Variants in ZRANB3 observed in about 807,000 individuals in gnomAD.
ZRANB3 encodes zinc finger RANBP2-type containing 3.
Under a neutral mutation model 133.8 loss-of-function variants are expected in ZRANB3, and 125 were observed. The ratio of observed to expected loss-of-function variants is 0.93; its 90% CI spans 0.81 to 1.08. The LOEUF (loss-of-function observed/expected upper bound fraction) is 1.08, where lower values mean the gene tolerates loss of function less well. Ranked by LOEUF, ZRANB3 falls within the 50% of genes least tolerant of loss-of-function variation. The pLI, the probability that ZRANB3 is intolerant of heterozygous loss-of-function variation, is 0.00. For synonymous variants in ZRANB3, 387 were observed against 432.7 expected, an observed-to-expected ratio of 0.89 and a Z score of 1.31; for missense variants, 1,229 against 1,275.5, an observed-to-expected ratio of 0.96 and a Z score of 0.56.
At chr2:135,368,770 T>C (rs374425880) in intron 3 of ZRANB3, among the ~76,000 whole-genome samples, 1 of 151,938 alleles carries the variant, frequency 6.6e-6, no homozygotes, top group Non-Finnish European at 1.5e-5. Context: ...ATCTACTATG[T>C]ACCCACAAAA....
intron 8 of ZRANB3, among the ~76,000 whole-genome samples, chr2:135,294,221 G>A (rs1205771216): frequency 6.6e-6 from 1 of 152,126 alleles, no homozygotes; most frequent in African/African-American, 2.4e-5. Flanking sequence ...AATCCATCTG[G>A]TCCTGGACTT....
chr2:135,296,092 TTC>T lies in ZRANB3; in HGVS notation c.966+17395_966+17396del, dbSNP rs1471068353. Among the ~76,000 whole-genome samples the T allele has an allele frequency of 2.0e-5, 3 of 152,206 alleles. No homozygotes were observed. In the East Asian group the frequency reaches 5.8e-4, roughly 29 times the overall value. On this transcript the variant is annotated intron_variant, in intron 8 of 20. Coordinates refer to ENST00000264159, the MANE Select transcript of ZRANB3 (RefSeq NM_032143.4). ...GTTCTCGAGGAGCATCTTTGTGGCG[TTC>T]TCTGTATTTCCTGAATTTGAATGTT...
intron 2 of ZRANB3, among the ~76,000 whole-genome samples, chr2:135,470,012 CA>C (rs776949989): frequency 5.4e-3 from 470 of 86,388 alleles, no homozygotes; most frequent in Middle Eastern, 0.017. Flanking sequence ...ACTCTTACCT[CA>C]AAAAAAAAAA....
intron 6 of ZRANB3, among the ~76,000 whole-genome samples, chr2:135,328,766 G>A (rs944667185): frequency 7.2e-5 from 11 of 152,218 alleles, no homozygotes; most frequent in African/African-American, 2.7e-4. Context: ...TAACTGGTGT[G>A]AGATGGTATC....
In ZRANB3 at chr2:135,312,254, G is replaced by A. The variant is rs113523513; in HGVS notation, c.966+1235C>T. Among the ~76,000 whole-genome samples, 543 of 147,470 alleles carry A rather than the reference G, an allele frequency of 3.7e-3. 3 individuals are homozygous for A. The highest frequency in any genetic ancestry group is 0.011 in the African/African-American group (428 of 40,060). ...TGCTCTGTTGCCAAAGCTGGAGTGC[G>A]GTGGCACAATCATAGCTCACTGTAG... On this transcript the variant is annotated intron_variant, in intron 8 of 20. Coordinates refer to ENST00000264159, the MANE Select transcript of ZRANB3 (RefSeq NM_032143.4).
chr2:135,461,772 T>C (rs1172648111), intron 2 of ZRANB3, among the ~76,000 whole-genome samples: 1 of 152,168 alleles, frequency 6.6e-6, no homozygotes, highest in Non-Finnish European at 1.5e-5. Flanking sequence ...ATGATTCAAA[T>C]ATAGGTTCTG....
intron 18 of ZRANB3, among the ~76,000 whole-genome samples, 162 bp downstream of exon 18, chr2:135,208,706 C>T (rs1238790847): frequency 6.6e-6 from 1 of 152,196 alleles, no homozygotes; most frequent in Non-Finnish European, 1.5e-5. Context: ...CACCAGGTAC[C>T]TCAACAGGTT....
chr2:135,495,796 C>T (rs1238036970), intron 2 of ZRANB3, among the ~76,000 whole-genome samples: 1 of 152,188 alleles, frequency 6.6e-6, no homozygotes, highest in Non-Finnish European at 1.5e-5. Flanking sequence ...TATATCTTGA[C>T]TGAGGTTTTT....
intron 3 of ZRANB3, among the ~76,000 whole-genome samples, chr2:135,381,593 C>G (rs543103152): frequency 1.3e-3 from 204 of 152,286 alleles, no homozygotes; most frequent in African/African-American, 4.7e-3. Flanking sequence ...GGAGGCACCC[C>G]TAAGTAGGGG....
At chr2:135,248,014 G>A (rs1285696821) in intron 12 of ZRANB3, among the ~76,000 whole-genome samples, 3 of 152,174 alleles carry the variant, frequency 2.0e-5, no homozygotes. Context: ...CTTTGGACCA[G>A]CAACAGGCCT....
intron 2 of ZRANB3, among the ~76,000 whole-genome samples, chr2:135,488,781 A>G (rs1300563550): frequency 3.3e-5 from 5 of 151,986 alleles, no homozygotes; most frequent in Admixed American, 6.6e-5. Flanking sequence ...GCAAAGCACA[A>G]TAAAGCAAAT....
intron 3 of ZRANB3, among the ~76,000 whole-genome samples, chr2:135,362,313 T>A (rs969753784): frequency 1.3e-5 from 2 of 152,170 alleles, no homozygotes; most frequent in African/African-American, 4.8e-5. Flanking sequence ...AGCCCTGATC[T>A]TCTTCTTACT....
intron 16 of ZRANB3, among the ~76,000 whole-genome samples, chr2:135,218,515 TA>T (rs58163177): frequency 0.14 from 20,468 of 144,086 alleles, 1,720 homozygotes; most frequent in South Asian, 0.33. Context: ...ACTCAAATGG[TA>T]AAAAAAAAAA....
chr2:135,384,460 T>C (rs995681723), intron 3 of ZRANB3, among the ~76,000 whole-genome samples: 4 of 152,170 alleles, frequency 2.6e-5, no homozygotes, highest in African/African-American at 9.6e-5. Flanking sequence ...TTCCAATCAA[T>C]AGAAAAAGAG....
In ZRANB3 at chr2:135,255,564, C is replaced by G. The variant is rs191249121; in HGVS notation, c.1539+9970G>C. Among the ~76,000 whole-genome samples, 160 of 152,232 alleles carry G rather than the reference C, an allele frequency of 1.1e-3. 1 individual carries two copies. The highest frequency in any genetic ancestry group is 6.8e-3 in the Middle Eastern group (2 of 294). On this transcript the variant is annotated intron_variant, in intron 12 of 20. Coordinates refer to ENST00000264159, the MANE Select transcript of ZRANB3 (RefSeq NM_032143.4). ...TCATGACTTGCTAATAAAAACAAATCAGGGCCAGGTGCAGTGGCTAACGCC... is the reference window on the plus strand; with the variant it reads ...TCATGACTTGCTAATAAAAACAAATGAGGGCCAGGTGCAGTGGCTAACGCC...
intron 11 of ZRANB3, among the ~76,000 whole-genome samples, chr2:135,268,516 C>A (rs532632709): frequency 6.6e-6 from 1 of 152,278 alleles, no homozygotes; most frequent in East Asian, 1.9e-4. Context: ...ATTGTCAAGA[C>A]TGAGGAAATG....
At chr2:135,325,258 G>A (rs1388375464) in intron 6 of ZRANB3, among the ~76,000 whole-genome samples, 1 of 152,074 alleles carries the variant, frequency 6.6e-6, no homozygotes, top group Non-Finnish European at 1.5e-5. Flanking sequence ...AAAAGCACTG[G>A]ACACCACTGT....
intron 8 of ZRANB3, among the ~76,000 whole-genome samples, chr2:135,285,348 TATTG>T (rs1681303251): frequency 1.3e-5 from 2 of 152,216 alleles, no homozygotes; most frequent in Non-Finnish European, 2.9e-5. Context: ...ATTTGCACTG[TATTG>T]ATTATTGCTG....
intron 2 of ZRANB3, among the ~76,000 whole-genome samples, chr2:135,490,799 T>G (rs1161608576): frequency 6.6e-6 from 1 of 152,206 alleles, no homozygotes; most frequent in Non-Finnish European, 1.5e-5. Flanking sequence ...ATGAATATTA[T>G]TCAGCCATAA....
Sources: gnomAD v4.1 joint callset for allele counts (sites outside exome capture counted in the v4.1 genomes callset) on GRCh38, gnomAD v4.1.1 for gene constraint, MANE v1.5 for transcripts, NCBI Gene and HGNC (gene_info 2026-07-23, HGNC 2026-07-21) for gene names.